Variants in GRM5 observed in about 807,000 individuals in gnomAD.
The protein encoded by GRM5 is metabotropic glutamate receptor 5.
Under a neutral mutation model 83.1 loss-of-function variants are expected in GRM5, and 19 were observed. That is an observed-to-expected ratio of 0.23 (90% CI 0.16 to 0.34). GRM5 has a LOEUF of 0.34. Among genes scored for constraint, GRM5 ranks in the 10% least tolerant of loss-of-function variants. The pLI, the probability that GRM5 is intolerant of heterozygous loss-of-function variation, is 1.00. For missense variants in GRM5, 1,160 were observed against 1,588.3 expected, an observed-to-expected ratio of 0.73 and a Z score of 4.58; for synonymous variants, 675 against 633.6, an observed-to-expected ratio of 1.07 and a Z score of -0.98.
intron 3 of GRM5, among the ~76,000 whole-genome samples, chr11:88,838,618 C>T (rs1405261575): frequency 1.3e-5 from 2 of 152,028 alleles, no homozygotes; most frequent in Admixed American, 6.5e-5. Context: ...TTTAATGAAC[C>T]TTTAAATCCC....
intron 2 of GRM5, among the ~76,000 whole-genome samples, chr11:88,893,708 C>G (rs555059501): frequency 1.3e-5 from 2 of 152,058 alleles, no homozygotes; most frequent in Non-Finnish European, 2.9e-5. Context: ...TTAGACTGAA[C>G]AACACATGGA....
At chr11:88,671,261 A>G (rs996572480) in intron 3 of GRM5, among the ~76,000 whole-genome samples, 1 of 151,974 alleles carries the variant, frequency 6.6e-6, no homozygotes, top group Non-Finnish European at 1.5e-5. Flanking sequence ...TCCCAGACAG[A>G]TTCCAACTCT....
intron 3 of GRM5, among the ~76,000 whole-genome samples, chr11:88,767,677 G>A (rs1942649488): frequency 6.6e-6 from 1 of 150,860 alleles, no homozygotes; most frequent in African/African-American, 2.5e-5. Context: ...CCTACTTGAG[G>A]GTGGATGGTA....
At chr11:88,942,967 G>T (rs1235145586) in intron 2 of GRM5, among the ~76,000 whole-genome samples, 1 of 152,006 alleles carries the variant, frequency 6.6e-6, no homozygotes, top group Non-Finnish European at 1.5e-5. Context: ...AACTTCAATT[G>T]TTCCCCCAAT....
At chr11:88,980,649 C>T (rs1205417413) in intron 2 of GRM5, among the ~76,000 whole-genome samples, 1 of 151,852 alleles carries the variant, frequency 6.6e-6, no homozygotes, top group Non-Finnish European at 1.5e-5. Flanking sequence ...GGTGAGCCCC[C>T]GTCTCTACTA....
chr11:88,864,667 C>T (rs1944629046), intron 2 of GRM5, among the ~76,000 whole-genome samples: 1 of 152,032 alleles, frequency 6.6e-6, no homozygotes, highest in Non-Finnish European at 1.5e-5. Flanking sequence ...TTCTTTCTTT[C>T]TCTTGGCTGA....
At chr11:88,919,700 T>A (rs1945656253) in intron 2 of GRM5, among the ~76,000 whole-genome samples, 1 of 152,022 alleles carries the variant, frequency 6.6e-6, no homozygotes, top group South Asian at 2.1e-4. Context: ...TATCAAGTGT[T>A]TTCTCAGAGA....
At chr11:88,920,355 A>C (rs1945667264) in intron 2 of GRM5, among the ~76,000 whole-genome samples, 1 of 150,792 alleles carries the variant, frequency 6.6e-6, no homozygotes, top group African/African-American at 2.4e-5. Context: ...GAAATCTAAA[A>C]CCTAAATAGA....
chr11:88,893,229 C>T lies in GRM5; in HGVS notation c.662-43074G>A, dbSNP rs139912332. On this transcript the variant is annotated intron_variant, in intron 2 of 9. Coordinates refer to ENST00000305447, the MANE Select transcript of GRM5 (RefSeq NM_001143831.3). The stretch of plus-strand genomic sequence containing the variant: ...AACTTCTTATTGGGTTTGGTAATGT[C>T]ACACCCTGGCTATATACAAAGGATA... Among the ~76,000 whole-genome samples the T allele has an allele frequency of 6.5e-3, 987 of 151,564 alleles. 11 individuals carry two copies. Among genetic ancestry groups the T allele is most frequent in the African/African-American group, 0.022 (927 of 41,340 alleles).
At chr11:88,676,060 G>A (rs1940321153) in intron 3 of GRM5, among the ~76,000 whole-genome samples, 1 of 151,974 alleles carries the variant, frequency 6.6e-6, no homozygotes, top group South Asian at 2.1e-4. Context: ...AACTCAGCAA[G>A]GGGGATCATT....
chr11:88,532,777 A>C (rs546890943), intron 8 of GRM5, among the ~76,000 whole-genome samples: 1 of 152,352 alleles, frequency 6.6e-6, no homozygotes, highest in African/African-American at 2.4e-5. Context: ...AAGATGGAAA[A>C]TATTAAAGAT....
intron 2 of GRM5, among the ~76,000 whole-genome samples, chr11:88,950,751 G>C (rs1473337442): frequency 2.0e-5 from 3 of 152,138 alleles, no homozygotes; most frequent in Non-Finnish European, 4.4e-5. Context: ...TATTTGCTGT[G>C]AGAGTAGCTA....
chr11:88,744,562 C>A lies in GRM5; in HGVS notation c.912-91159G>T, dbSNP rs372902143. Among the ~76,000 whole-genome samples the A allele has an allele frequency of 2.6e-5, 4 of 152,122 alleles. No individual in the cohort carries two copies. In the East Asian group the frequency reaches 7.7e-4, roughly 29 times the overall value. Reference sequence around the variant, plus strand: ...ATTTCTATGCCTTTCACACACCCCACCTTTCAATCCCTACATGAACCTTGA... The same window carrying A: ...ATTTCTATGCCTTTCACACACCCCAACTTTCAATCCCTACATGAACCTTGA... On this transcript the variant is annotated intron_variant, in intron 3 of 9. Coordinates refer to ENST00000305447, the MANE Select transcript of GRM5 (RefSeq NM_001143831.3).
chr11:88,580,911 C>T (rs1291566563), intron 7 of GRM5, among the ~76,000 whole-genome samples: 3 of 152,132 alleles, frequency 2.0e-5, no homozygotes, highest in Admixed American at 1.3e-4. Context: ...GAGGCTGAGG[C>T]GGCCTGACTA....
chr11:89,039,571 G>A (rs903806029), intron 2 of GRM5, among the ~76,000 whole-genome samples: 1 of 152,060 alleles, frequency 6.6e-6, no homozygotes, highest in Non-Finnish European at 1.5e-5. Context: ...ACCATACTTT[G>A]TTACTCTTGT....
At chr11:88,726,796 A>C (rs1468203435) in intron 3 of GRM5, among the ~76,000 whole-genome samples, 3 of 152,176 alleles carry the variant, frequency 2.0e-5, no homozygotes, top group East Asian at 3.9e-4. Context: ...ACTAAACTTC[A>C]TAAGTGAAGG....
At chr11:88,527,480 A>T (rs947755780) in intron 8 of GRM5, among the ~76,000 whole-genome samples, 1 of 152,162 alleles carries the variant, frequency 6.6e-6, no homozygotes, top group Non-Finnish European at 1.5e-5. Flanking sequence ...GAATGCTTAC[A>T]CACTGCTAGT....
chr11:88,954,446 T>C (rs928221545), intron 2 of GRM5, among the ~76,000 whole-genome samples: 16 of 152,216 alleles, frequency 1.1e-4, no homozygotes, highest in African/African-American at 3.6e-4. Flanking sequence ...ACATGTTGTA[T>C]AAAGAAAAAC....
chr11:88,830,601 T>C (rs1943972017), intron 3 of GRM5, among the ~76,000 whole-genome samples: 1 of 151,460 alleles, frequency 6.6e-6, no homozygotes, highest in African/African-American at 2.5e-5. Flanking sequence ...GAGTGACCCC[T>C]AATGGTCCAT....
Sources: allele counts gnomAD v4.1 joint callset (sites outside exome capture counted in the v4.1 genomes callset), GRCh38; gene constraint gnomAD v4.1.1; transcripts MANE v1.5; gene names NCBI Gene and HGNC (gene_info 2026-07-23, HGNC 2026-07-21).